The following MDGA2 variants were observed in gnomAD, a reference collection of about 807,000 sequenced individuals.
MDGA2 encodes MAM domain-containing glycosylphosphatidylinositol anchor protein 2.
Under a neutral mutation model 117.8 loss-of-function variants are expected in MDGA2, and 40 were observed. The observed-to-expected ratio is 0.34, with a 90% confidence interval of 0.26 to 0.44. The LOEUF (loss-of-function observed/expected upper bound fraction) is 0.44, where lower values mean the gene tolerates loss of function less well. Among genes scored for constraint, MDGA2 ranks in the 20% least tolerant of loss-of-function variants. The pLI, the probability that MDGA2 is intolerant of heterozygous loss-of-function variation, is 1.00. For missense variants in MDGA2, 1,123 were observed against 1,250.6 expected, an observed-to-expected ratio of 0.90 and a Z score of 1.54; for synonymous variants, 452 against 439.0, an observed-to-expected ratio of 1.03 and a Z score of -0.37.
At chr14:46,973,349 G>A (rs1341799315) in intron 8 of MDGA2, among the ~76,000 whole-genome samples, 2 of 152,072 alleles carry the variant, frequency 1.3e-5, no homozygotes, top group Non-Finnish European at 2.9e-5. Context: ...TAATTTTTTT[G>A]AGGAAGACTT....
chr14:46,922,091 T>C (rs1403576900), intron 9 of MDGA2, among the ~76,000 whole-genome samples: 1 of 151,768 alleles, frequency 6.6e-6, no homozygotes, highest in Non-Finnish European at 1.5e-5. Flanking sequence ...TTTTTTAGCA[T>C]GGATAAAAAG....
chr14:47,358,125 A>T (rs927027186), intron 1 of MDGA2, among the ~76,000 whole-genome samples: 1 of 151,978 alleles, frequency 6.6e-6, no homozygotes, highest in African/African-American at 2.4e-5. Flanking sequence ...AACTTTGGTG[A>T]CCTCTCCTCA....
At chr14:46,864,557 T>G (rs1461139984) in intron 14 of MDGA2, among the ~76,000 whole-genome samples, 1 of 122,602 alleles carries the variant, frequency 8.2e-6, no homozygotes, top group Non-Finnish European at 1.8e-5. Context: ...TTTTTTTTTT[T>G]TTTTTTTTTT....
chr14:47,106,228 TC>T (rs1332797272), intron 5 of MDGA2, among the ~76,000 whole-genome samples: 4 of 152,038 alleles, frequency 2.6e-5, no homozygotes, highest in African/African-American at 9.7e-5. Flanking sequence ...CCCAATCTGC[TC>T]CCGACATTAA....
chr14:47,128,192 C>G (rs1371174602), intron 5 of MDGA2, among the ~76,000 whole-genome samples: 1 of 151,864 alleles, frequency 6.6e-6, no homozygotes, highest in Non-Finnish European at 1.5e-5. Context: ...AGTGAGGATG[C>G]TTTAATTGCT....
chr14:46,976,787 AG>A (rs1566555889), intron 8 of MDGA2, among the ~76,000 whole-genome samples: 1 of 151,908 alleles, frequency 6.6e-6, no homozygotes, highest in African/African-American at 2.4e-5. Context: ...TAATTCTTCT[AG>A]AATTGAGTCT....
chr14:47,213,812 G>A (rs909000036), intron 3 of MDGA2, among the ~76,000 whole-genome samples: 1 of 152,096 alleles, frequency 6.6e-6, no homozygotes, highest in African/African-American at 2.4e-5. Flanking sequence ...CCAAGACTGG[G>A]TAATTCATGA....
chr14:47,403,682 T>C (rs950870289), intron 1 of MDGA2, among the ~76,000 whole-genome samples: 2 of 152,058 alleles, frequency 1.3e-5, no homozygotes, highest in African/African-American at 4.8e-5. Flanking sequence ...TCAAATGGAG[T>C]TTGAATTTGC....
intron 8 of MDGA2, among the ~76,000 whole-genome samples, chr14:46,970,472 G>A (rs985123852): frequency 6.6e-6 from 1 of 152,022 alleles, no homozygotes; most frequent in Admixed American, 6.6e-5. Context: ...TTCAATAAAT[G>A]GTGCTGGGAA....
intron 1 of MDGA2, among the ~76,000 whole-genome samples, chr14:47,408,078 G>GA (rs1892296869): frequency 1.5e-5 from 2 of 136,506 alleles, no homozygotes; most frequent in Middle Eastern, 3.8e-3. Context: ...TTTTTTTTTG[G>GA]TGGCATCTTG....
At chr14:46,994,188 G>T (rs902326595) in intron 8 of MDGA2, among the ~76,000 whole-genome samples, 10 of 152,216 alleles carry the variant, frequency 6.6e-5, no homozygotes, top group African/African-American at 2.4e-4. Context: ...GGAAGGTAAT[G>T]CCCATCCTGC....
chr14:47,473,175 A>G (rs1020644920), intron 1 of MDGA2, among the ~76,000 whole-genome samples: 1 of 152,148 alleles, frequency 6.6e-6, no homozygotes. Context: ...CACCAATCAG[A>G]GCAAGTGTGA....
intron 2 of MDGA2, among the ~76,000 whole-genome samples, chr14:47,230,966 T>C (rs1886669532): frequency 6.6e-6 from 1 of 151,986 alleles, no homozygotes; most frequent in African/African-American, 2.4e-5. Context: ...ATATTTACCT[T>C]CTTTGGATTT....
intron 8 of MDGA2, among the ~76,000 whole-genome samples, chr14:47,025,200 C>CT: frequency 6.6e-6 from 1 of 152,212 alleles, no homozygotes; most frequent in East Asian, 1.9e-4. Flanking sequence ...AACATTTTCC[C>CT]TACTGTACAA....
intron 1 of MDGA2, among the ~76,000 whole-genome samples, chr14:47,400,646 A>G (rs936455698): frequency 1.3e-5 from 2 of 150,020 alleles, no homozygotes; most frequent in Admixed American, 6.6e-5. Context: ...AGATCGTGCC[A>G]CTGCACTCCA....
At chr14:47,263,537 T>C (rs1175464939) in intron 2 of MDGA2, among the ~76,000 whole-genome samples, 1 of 152,160 alleles carries the variant, frequency 6.6e-6, no homozygotes, top group South Asian at 2.1e-4. Flanking sequence ...AAAACTGTTA[T>C]AGGGTAGTAC....
intron 10 of MDGA2, among the ~76,000 whole-genome samples, chr14:46,915,121 G>T (rs1213109167): frequency 6.6e-6 from 1 of 152,046 alleles, no homozygotes; most frequent in African/African-American, 2.4e-5. Context: ...TAGTTTGGCA[G>T]ATGAAAAAGG....
intron 3 of MDGA2, among the ~76,000 whole-genome samples, chr14:47,213,492 G>C (rs1012347927): frequency 3.9e-5 from 6 of 151,936 alleles, no homozygotes. Flanking sequence ...AACTATGATA[G>C]GAAATTCTTA....
At position 47,034,891 on chromosome 14, in the gene MDGA2, G is replaced by A. The variant is rs545783568; in HGVS notation, c.1819+120C>T. On this transcript the variant is annotated intron_variant, in intron 8 of 16. Transcript: ENST00000399232. ...GAAATAGTTCATTCAATCCAATGTAGAAATGTAGAAATAGTTCATTCAATC... is the reference window on the plus strand; with the variant it reads ...GAAATAGTTCATTCAATCCAATGTAAAAATGTAGAAATAGTTCATTCAATC... The A allele has an allele frequency of 1.1e-4, 92 of 843,694 alleles. No homozygotes were observed. In the East Asian group the frequency reaches 2.3e-3, roughly 21 times the overall value. The allele number at this position is 843,694 out of a possible 1,614,324, so 52.3% of individuals were successfully genotyped here. A position where few individuals can be genotyped will look rare whatever the true frequency, so the allele number is the denominator to read the frequency against.
Sources: allele counts gnomAD v4.1 joint callset (sites outside exome capture counted in the v4.1 genomes callset), GRCh38; gene constraint gnomAD v4.1.1; transcripts MANE v1.5; gene names NCBI Gene and HGNC (gene_info 2026-07-23, HGNC 2026-07-21).